The following ADGRA3 variants were observed in gnomAD, a reference collection of about 807,000 sequenced individuals.
ADGRA3 encodes G-protein coupled receptor 125.
A neutral mutation model predicts 119.8 loss-of-function variants in ADGRA3; 56 were observed. The ratio of observed to expected loss-of-function variants is 0.47; its 90% CI spans 0.38 to 0.58. The LOEUF (loss-of-function observed/expected upper bound fraction) is 0.58, where lower values mean the gene tolerates loss of function less well. Among genes scored for constraint, ADGRA3 ranks in the 20% least tolerant of loss-of-function variants. The pLI, the probability that ADGRA3 is intolerant of heterozygous loss-of-function variation, is 0.00. For missense variants in ADGRA3, 1,516 were observed against 1,649.0 expected (o/e 0.92, Z 1.40); for synonymous variants, 607 against 623.8 (o/e 0.97, Z 0.40).
intron 7 of ADGRA3, among the ~76,000 whole-genome samples, chr4:22,440,795 G>A (rs985587973): frequency 6.6e-6 from 1 of 152,102 alleles, no homozygotes; most frequent in African/African-American, 2.4e-5. Flanking sequence ...AAACTGCTTA[G>A]TGTACAATGT....
chr4:22,453,202 AAAAAAAAAAAAAAAAG>A (rs1717118713), intron 4 of ADGRA3, among the ~76,000 whole-genome samples: 1 of 51,384 alleles, frequency 1.9e-5, no homozygotes, highest in Non-Finnish European at 7.7e-5. Flanking sequence ...CTCCATCTCA[AAAAAAAAAAAAAAAAG>A]AAAGAAAAAG....
At chr4:22,438,486 T>C (rs1406165347) in intron 7 of ADGRA3, 66 bp from the exon 8 acceptor site, 11 of 1,240,040 alleles carry the variant, frequency 8.9e-6, no homozygotes, top group East Asian at 4.9e-5. Context: ...CAATAATGGG[T>C]CTCAATCATT....
chr4:22,444,230 G>T (rs1716740974), intron 6 of ADGRA3, among the ~76,000 whole-genome samples: 1 of 152,012 alleles, frequency 6.6e-6, no homozygotes, highest in Non-Finnish European at 1.5e-5. Flanking sequence ...TACATACAAA[G>T]CTGATCATTT....
intron 1 of ADGRA3, among the ~76,000 whole-genome samples, chr4:22,509,806 C>T (rs1719380412): frequency 6.6e-6 from 1 of 151,724 alleles, no homozygotes; most frequent in African/African-American, 2.4e-5. Context: ...GTCAGGAGAT[C>T]GAGACCATCC....
intron 10 of ADGRA3, among the ~76,000 whole-genome samples, chr4:22,434,917 A>C (rs1274651270): frequency 6.6e-6 from 1 of 152,222 alleles, no homozygotes; most frequent in Non-Finnish European, 1.5e-5. Flanking sequence ...ATTAAAAGGA[A>C]TTTACTACAA....
chr4:22,387,878 C>T lies in ADGRA3; in HGVS notation c.3793G>A (p.Ala1265Thr), dbSNP rs762830701. 16 of 1,614,010 alleles carry T rather than the reference C, an allele frequency of 9.9e-6. No individual in the cohort carries two copies. Among genetic ancestry groups the T allele is most frequent in the East Asian group, 2.2e-5 (1 of 44,884 alleles). ...KPVSTTSKKD[A>T]LRKPAVVELE... is the part of the protein sequence containing the mutation. ...TCAACCACAGCTGGCTTCCTTAACG[C>T]ATCTTTTTTACTAGTGGTTGAAACT... The change falls in exon 19 of 19, where the codon GCG (alanine) becomes ACG (threonine). Residue 1265 changes from alanine (A) to threonine (T), a missense_variant. Around this residue, in one of 2 missense-constraint regions of ADGRA3, gnomAD observed 1,088 missense variants for 1,107.1 expected, o/e 0.98. Coordinates refer to ENST00000334304, the MANE Select transcript of ADGRA3 (RefSeq NM_145290.4).
Position 22,388,007 on chromosome 4 carries a change from T to C in ADGRA3, c.3664A>G (p.Arg1222Gly), listed in dbSNP as rs760737507. The change falls in exon 19 of 19, where the codon AGA (arginine) becomes GGA (glycine). Residue 1222 changes from arginine to glycine, a missense_variant. Coordinates refer to ENST00000334304, the MANE Select transcript of ADGRA3 (RefSeq NM_145290.4). ...GNNEGHSRSR[R>G]AYLAYRERQY... ...CTCTCTCTGTAGGCTAAATAAGCTC[T>C]TCGGCTCCTCGAGTGTCCTTCGTTA... The C allele has an allele frequency of 1.8e-5, 29 of 1,614,068 alleles. No individual in the cohort carries two copies. In the Admixed American group the frequency reaches 3.7e-4, roughly 20 times the overall value.
At chr4:22,389,702 C>T (rs1714029602) in intron 17 of ADGRA3, among the ~76,000 whole-genome samples, 1 of 152,020 alleles carries the variant, frequency 6.6e-6, no homozygotes, top group African/African-American at 2.4e-5. Context: ...TATCTGGATC[C>T]CAGCAGCTTC....
chr4:22,428,503 T>G (rs923280417), intron 10 of ADGRA3, among the ~76,000 whole-genome samples: 1 of 152,216 alleles, frequency 6.6e-6, no homozygotes, highest in Non-Finnish European at 1.5e-5. Flanking sequence ...TTGTTCATTC[T>G]AACAACCAGA....
At chr4:22,434,836 T>G (rs540228467) in intron 10 of ADGRA3, among the ~76,000 whole-genome samples, 5 of 152,344 alleles carry the variant, frequency 3.3e-5, no homozygotes, top group Admixed American at 3.3e-4. Context: ...AAAACTTGTA[T>G]AGTCCAATCA....
Position 22,409,928 on chromosome 4 carries a change from A to G in ADGRA3, c.2232+3254T>C, listed in dbSNP as rs1326843305. Among the ~76,000 whole-genome samples the G allele has an allele frequency of 2.0e-5, 3 of 152,220 alleles. No homozygotes were observed. In the East Asian group the frequency reaches 5.8e-4, roughly 29 times the overall value. ...GACTTCCAGCTTTCACTGTATGTTA[A>G]TGTGTAGAAATAAATAAAACATTAC... On this transcript the variant is annotated intron_variant, in intron 14 of 18. Transcript: ENST00000334304.
intron 1 of ADGRA3, among the ~76,000 whole-genome samples, chr4:22,512,229 T>C (rs571532091): frequency 7.2e-5 from 11 of 152,130 alleles, no homozygotes; most frequent in African/African-American, 2.2e-4. Context: ...CTTTCCAGAA[T>C]TGGCTCAGGA....
intron 13 of ADGRA3, 71 bp from the exon 14 acceptor site, chr4:22,413,461 A>G: frequency 2.1e-6 from 3 of 1,408,832 alleles, no homozygotes; most frequent in Admixed American, 3.4e-5. Context: ...CAACTTCTAC[A>G]GTAATGGGTA....
At chr4:22,449,693 A>G (rs936765053) in intron 4 of ADGRA3, among the ~76,000 whole-genome samples, 2 of 152,034 alleles carry the variant, frequency 1.3e-5, no homozygotes, top group African/African-American at 4.8e-5. Context: ...TAAAAATACA[A>G]AAATTAGCCA....
intron 14 of ADGRA3, 67 bp downstream of exon 14, chr4:22,413,115 T>C (rs1715280804): frequency 1.7e-6 from 2 of 1,205,496 alleles, no homozygotes; most frequent in Middle Eastern, 2.1e-4. Context: ...AACACTTCAT[T>C]TGAGCTTAAT....
chr4:22,450,277 T>C (rs1173924049), intron 4 of ADGRA3, among the ~76,000 whole-genome samples: 5 of 151,684 alleles, frequency 3.3e-5, no homozygotes, highest in Non-Finnish European at 5.9e-5. Flanking sequence ...CTTTTTTTTT[T>C]TTTTGAGACA....
At chr4:22,464,515 AATATTATGCAGAGG>A (rs1393415891) in intron 2 of ADGRA3, among the ~76,000 whole-genome samples, 10 of 152,108 alleles carry the variant, frequency 6.6e-5, no homozygotes, top group African/African-American at 2.4e-4. Context: ...CAGAAAGAGG[AATATTATGCAGAGG>A]ATAAGTTCCC....
intron 10 of ADGRA3, among the ~76,000 whole-genome samples, chr4:22,433,043 G>C (rs1219971479): frequency 2.6e-5 from 4 of 152,036 alleles, no homozygotes; most frequent in African/African-American, 7.2e-5. Context: ...CTAATAAATG[G>C]TGAAAGCTAT....
At chr4:22,438,764 G>A (rs1716496174) in intron 7 of ADGRA3, among the ~76,000 whole-genome samples, 5 of 152,218 alleles carry the variant, frequency 3.3e-5, no homozygotes, top group East Asian at 1.9e-4. Flanking sequence ...GGGAGACAGA[G>A]GCGGGTGGCA....
Sources: allele counts gnomAD v4.1 joint callset (sites outside exome capture counted in the v4.1 genomes callset), GRCh38; gene constraint gnomAD v4.1.1; regional missense constraint gnomAD v4.1.1; transcripts MANE v1.5; gene names NCBI Gene and HGNC (gene_info 2026-07-23, HGNC 2026-07-21).